ROBO1: variants seen among roughly 807,000 people sequenced by gnomAD.
ROBO1 encodes roundabout guidance receptor 1.
ROBO1 carries 149 observed loss-of-function variants against 195.9 expected under a neutral mutation model. The ratio of observed to expected loss-of-function variants is 0.76; its 90% confidence interval spans 0.67 to 0.87. ROBO1 has a LOEUF of 0.87. Among genes scored for constraint, ROBO1 ranks in the 40% least tolerant of loss-of-function variants. The pLI is 0.00. For synonymous variants in ROBO1, 816 were observed against 733.2 expected (o/e 1.11, Z -1.82); for missense variants, 1,933 against 2,068.3 (o/e 0.93, Z 1.27).
chr3:79,161,750 G>A (rs916591807), intron 2 of ROBO1, among the ~76,000 whole-genome samples: 3 of 152,064 alleles, frequency 2.0e-5, no homozygotes, highest in Non-Finnish European at 4.4e-5. Flanking sequence ...GCCAGAGCTA[G>A]CCTCTAGTAC....
rs571798556 is a variant in ROBO1, at chr3:78,929,851, G to T, written c.499+8750C>A. 4.1e-3 allele frequency among the ~76,000 whole-genome samples: 625 copies of T among 151,968 alleles called. 2 individuals are homozygous for T. Among genetic ancestry groups the T allele is most frequent in the African/African-American group, 0.014 (578 of 41,430 alleles). On this transcript the variant is annotated intron_variant, in intron 4 of 30. Transcript: ENST00000464233. ...TTAGGAAGAGCTGAATCCTCTTCATGGTCTATTAACTGATCATTAGGGTAA... is the reference window on the plus strand; with the variant it reads ...TTAGGAAGAGCTGAATCCTCTTCATTGTCTATTAACTGATCATTAGGGTAA...
chr3:79,624,261 C>A (rs1945097548), intron 1 of ROBO1, among the ~76,000 whole-genome samples: 1 of 151,884 alleles, frequency 6.6e-6, no homozygotes, highest in African/African-American at 2.4e-5. Flanking sequence ...ATATAAAGAC[C>A]AAAGACACTA....
intron 2 of ROBO1, among the ~76,000 whole-genome samples, chr3:79,241,893 G>A (rs928226864): frequency 2.1e-4 from 32 of 150,950 alleles, no homozygotes; most frequent in East Asian, 1.6e-3. Flanking sequence ...ACTACTAGCC[G>A]TCTTAATATT....
chr3:79,467,680 A>G (rs1318317470), intron 2 of ROBO1, among the ~76,000 whole-genome samples: 1 of 152,060 alleles, frequency 6.6e-6, no homozygotes, highest in Non-Finnish European at 1.5e-5. Flanking sequence ...CCTCACATTT[A>G]CCATCCTTCC....
intron 1 of ROBO1, among the ~76,000 whole-genome samples, chr3:79,727,488 A>C (rs1702972808): frequency 6.6e-6 from 1 of 152,166 alleles, no homozygotes; most frequent in Non-Finnish European, 1.5e-5. Flanking sequence ...TAAATGAATA[A>C]AATTTAAATT....
intron 1 of ROBO1, among the ~76,000 whole-genome samples, chr3:79,693,383 TTGTG>T (rs55667736): frequency 0.079 from 11,479 of 144,996 alleles, 461 homozygotes; most frequent in Non-Finnish European, 0.089. Context: ...ATATAGAGAT[TTGTG>T]TGTGTGTGTG....
intron 2 of ROBO1, among the ~76,000 whole-genome samples, chr3:79,272,771 C>T (rs930541751): frequency 1.3e-5 from 2 of 152,022 alleles, no homozygotes; most frequent in African/African-American, 2.4e-5. Context: ...TAGCCCAAAG[C>T]GGCAGGCTGA....
intron 2 of ROBO1, among the ~76,000 whole-genome samples, chr3:79,582,341 C>T (rs1215976836): frequency 1.3e-5 from 2 of 151,620 alleles, no homozygotes; most frequent in African/African-American, 4.8e-5. Flanking sequence ...CCCCCTTACT[C>T]TTTTAGAGAT....
intron 3 of ROBO1, among the ~76,000 whole-genome samples, chr3:78,972,808 G>A (rs1048562004): frequency 6.6e-6 from 1 of 152,104 alleles, no homozygotes; most frequent in Non-Finnish European, 1.5e-5. Context: ...TCAGGCTGGT[G>A]ATACCAATTA....
At chr3:78,946,610 T>A (rs961050325) in intron 3 of ROBO1, among the ~76,000 whole-genome samples, 3 of 152,144 alleles carry the variant, frequency 2.0e-5, no homozygotes, top group African/African-American at 7.2e-5. Flanking sequence ...AGAAACTGCA[T>A]CAACTAATGA....
intron 5 of ROBO1, among the ~76,000 whole-genome samples, chr3:78,740,387 A>T (rs2108247849): frequency 6.6e-6 from 1 of 151,740 alleles, no homozygotes; most frequent in South Asian, 2.1e-4. Context: ...ATTTAAATAA[A>T]TTTAAATAAT....
chr3:79,631,844 A>G (rs1373496798), intron 1 of ROBO1, among the ~76,000 whole-genome samples: 1 of 152,104 alleles, frequency 6.6e-6, no homozygotes, highest in African/African-American at 2.4e-5. Flanking sequence ...CTCAAAAAAG[A>G]TATAGAAGTG....
intron 8 of ROBO1, among the ~76,000 whole-genome samples, chr3:78,711,422 T>TC (rs2081731205): frequency 9.0e-6 from 1 of 110,750 alleles, no homozygotes; most frequent in Admixed American, 9.7e-5. Context: ...TTTCTTTCTT[T>TC]CTTTCTTTCT....
intron 4 of ROBO1, among the ~76,000 whole-genome samples, chr3:78,849,691 T>C (rs75331372): frequency 0.015 from 2,338 of 152,150 alleles, 22 homozygotes; most frequent in Non-Finnish European, 0.025. Flanking sequence ...GTAAAGAGAT[T>C]TGACAGGAGG....
At chr3:78,839,055 G>C (rs905841628) in intron 4 of ROBO1, among the ~76,000 whole-genome samples, 1 of 151,940 alleles carries the variant, frequency 6.6e-6, no homozygotes, top group African/African-American at 2.4e-5. Context: ...CATTTTTTAG[G>C]TCTATCATTT....
chr3:78,680,387 G>T (rs2080867944), intron 10 of ROBO1, among the ~76,000 whole-genome samples: 1 of 152,090 alleles, frequency 6.6e-6, no homozygotes, highest in African/African-American at 2.4e-5. Context: ...CCATCAGAGT[G>T]AACAGGCAAC....
chr3:78,791,211 C>A (rs532834106), intron 4 of ROBO1, among the ~76,000 whole-genome samples: 2 of 152,072 alleles, frequency 1.3e-5, no homozygotes, highest in Admixed American at 1.3e-4. Flanking sequence ...TTGCTTCCTA[C>A]GTGTTGTTGT....
intron 2 of ROBO1, among the ~76,000 whole-genome samples, chr3:79,514,212 G>T (rs749101582): frequency 6.6e-5 from 10 of 152,126 alleles, no homozygotes; most frequent in Non-Finnish European, 1.5e-4. Flanking sequence ...TCAACTATTT[G>T]TTTGGAAAGC....
At chr3:79,561,939 G>C (rs1021068828) in intron 2 of ROBO1, among the ~76,000 whole-genome samples, 2 of 152,078 alleles carry the variant, frequency 1.3e-5, no homozygotes, top group African/African-American at 2.4e-5. Context: ...TCACCTTATA[G>C]TTATTTACTG....
Sources: gnomAD v4.1 joint callset for allele counts (sites outside exome capture counted in the v4.1 genomes callset) on GRCh38, gnomAD v4.1.1 for gene constraint, MANE v1.5 for transcripts, NCBI Gene and HGNC (gene_info 2026-07-23, HGNC 2026-07-21) for gene names.